The following RBFOX1 variants were observed in gnomAD, a reference collection of about 807,000 sequenced individuals.
RBFOX1 encodes the protein RNA binding fox-1 homolog 1.
In RBFOX1, 8 loss-of-function variants were observed where a neutral mutation model predicts 57.7. The ratio of observed to expected loss-of-function variants is 0.14; its 90% CI spans 0.08 to 0.25. The LOEUF (loss-of-function observed/expected upper bound fraction) is 0.25, where lower values mean the gene tolerates loss of function less well. Ranked by LOEUF, RBFOX1 falls within the 10% of genes least tolerant of loss-of-function variation. The pLI is 1.00. For synonymous variants in RBFOX1, 326 were observed against 222.4 expected (o/e 1.47, Z -4.15); for missense variants, 611 against 548.5 (o/e 1.11, Z -1.14).
chr16:6,603,900 G>A (rs887077589), intron 2 of RBFOX1, among the ~76,000 whole-genome samples: 4 of 152,110 alleles, frequency 2.6e-5, no homozygotes, highest in Non-Finnish European at 2.9e-5. Context: ...CACACTTTGT[G>A]ATGTGTCTCA....
At position 6,042,723 on chromosome 16, in the gene RBFOX1, G is replaced by A. The variant is rs564708974; in HGVS notation, c.-127+22731G>A. Among the ~76,000 whole-genome samples the A allele has an allele frequency of 4.2e-4, 64 of 152,232 alleles. 1 individual carries two copies. The South Asian group carries it at 0.011, about 25-fold the overall frequency. ...ACTGGGTTATAGTTTGGTTTTGTAC[G>A]TTTTAGGGAGACAGAAGTTATAGGC... is the stretch of plus-strand genomic sequence containing the variant. On this transcript the variant is annotated intron_variant, in intron 1 of 15. Coordinates refer to ENST00000550418, the MANE Select transcript of RBFOX1 (RefSeq NM_018723.4).
intron 3 of RBFOX1, among the ~76,000 whole-genome samples, chr16:6,769,091 C>G (rs1043024834): frequency 6.6e-6 from 1 of 152,124 alleles, no homozygotes; most frequent in African/African-American, 2.4e-5. Context: ...CAAATCTCAT[C>G]TTGAATTCCC....
chr16:6,390,206 T>G (rs1215724551), intron 2 of RBFOX1, among the ~76,000 whole-genome samples: 1 of 152,228 alleles, frequency 6.6e-6, no homozygotes, highest in African/African-American at 2.4e-5. Context: ...GCACATGCAA[T>G]GGATGTATTT....
intron 1 of RBFOX1, among the ~76,000 whole-genome samples, chr16:6,268,057 G>A (rs1424232393): frequency 6.6e-6 from 1 of 152,076 alleles, no homozygotes; most frequent in Non-Finnish European, 1.5e-5. Context: ...CTTCACTCTT[G>A]GGCTGAATGT....
At chr16:6,486,801 T>C (rs2095493220) in intron 2 of RBFOX1, among the ~76,000 whole-genome samples, 1 of 152,088 alleles carries the variant, frequency 6.6e-6, no homozygotes, top group Non-Finnish European at 1.5e-5. Context: ...CAGGGTTGTG[T>C]GTTTGTGTGT....
chr16:6,476,209 C>G (rs1049879048), intron 2 of RBFOX1, among the ~76,000 whole-genome samples: 1 of 152,090 alleles, frequency 6.6e-6, no homozygotes, highest in Non-Finnish European at 1.5e-5. Flanking sequence ...TAATAAGCAC[C>G]TATAATCTCA....
intron 2 of RBFOX1, among the ~76,000 whole-genome samples, chr16:6,605,534 C>T (rs1377912149): frequency 3.3e-5 from 5 of 152,170 alleles, no homozygotes; most frequent in South Asian, 2.1e-4. Flanking sequence ...CAAATACAAG[C>T]GTCCAGTGCA....
At position 7,056,810 on chromosome 16, in the gene RBFOX1, T is replaced by C. The variant is rs180799723; in HGVS notation, c.27+4712T>C. Among the ~76,000 whole-genome samples the C allele has an allele frequency of 2.0e-5, 3 of 152,310 alleles. 1 individual carries two copies. Among genetic ancestry groups the C allele is most frequent in the African/African-American group, 7.2e-5 (3 of 41,562 alleles). On this transcript the variant is annotated intron_variant, in intron 4 of 15. Coordinates refer to ENST00000550418, the MANE Select transcript of RBFOX1 (RefSeq NM_018723.4). The stretch of plus-strand genomic sequence containing the variant: ...AATGCATGACTGCCAGATTCTGTTC[T>C]GTGGATTCAAATACTGATCTGCAAT...
At chr16:6,855,260 G>A (rs561300537) in intron 3 of RBFOX1, among the ~76,000 whole-genome samples, 1 of 152,032 alleles carries the variant, frequency 6.6e-6, no homozygotes, top group African/African-American at 2.4e-5. Context: ...GGGAGGGAGA[G>A]GGGGAAGGAG....
chr16:6,819,907 C>G (rs574615068), intron 3 of RBFOX1, among the ~76,000 whole-genome samples: 1 of 152,190 alleles, frequency 6.6e-6, no homozygotes, highest in Admixed American at 6.5e-5. Flanking sequence ...CAGAGCTCTG[C>G]ACATCAGGGA....
intron 3 of RBFOX1, among the ~76,000 whole-genome samples, chr16:5,748,589 C>T (rs543434776): frequency 6.6e-6 from 1 of 152,092 alleles, no homozygotes. Flanking sequence ...GGATAGTTAG[C>T]TCTTCTTGTT....
At position 6,741,505 on chromosome 16, in the gene RBFOX1, A is replaced by C. The variant is rs2072101535; in HGVS notation, c.-16+86855A>C. On this transcript the variant is annotated intron_variant, in intron 3 of 15. Transcript: ENST00000550418. ...ATGGCGAAACCCTGTCTGTATTAAA[A>C]GTACAAATTTTAGCCAGGCTAACTT... Among the ~76,000 whole-genome samples, 3 of 151,962 alleles carry C rather than the reference A, an allele frequency of 2.0e-5. 1 individual carries two copies. The highest frequency in any genetic ancestry group is 2.9e-5 in the Non-Finnish European group (2 of 67,990).
At chr16:6,061,197 G>C (rs147374307) in intron 1 of RBFOX1, among the ~76,000 whole-genome samples, 313 of 152,252 alleles carry the variant, frequency 2.1e-3, no homozygotes, top group Non-Finnish European at 2.8e-3. Context: ...TGGATTCTAT[G>C]AGAAGGACAG....
chr16:6,642,880 C>T (rs74377805), intron 2 of RBFOX1, among the ~76,000 whole-genome samples: 6 of 152,128 alleles, frequency 3.9e-5, no homozygotes, highest in African/African-American at 7.2e-5. Flanking sequence ...CTAAGGTAAA[C>T]TTTACTCCCT....
intron 5 of RBFOX1, among the ~76,000 whole-genome samples, chr16:7,522,038 G>T (rs189410417): frequency 8.5e-5 from 13 of 152,322 alleles, no homozygotes; most frequent in Admixed American, 7.2e-4. Flanking sequence ...GGCTTGTGTG[G>T]TGTTATCTTC....
At chr16:7,377,088 C>A (rs182104056) in intron 4 of RBFOX1, among the ~76,000 whole-genome samples, 66 of 152,290 alleles carry the variant, frequency 4.3e-4, no homozygotes, top group African/African-American at 1.5e-3. Context: ...GTTTCCACTT[C>A]TTTTTCATGA....
intron 3 of RBFOX1, among the ~76,000 whole-genome samples, chr16:6,911,360 G>A (rs1437533861): frequency 6.6e-6 from 1 of 152,092 alleles, no homozygotes; most frequent in Non-Finnish European, 1.5e-5. Context: ...CAAGGTGTCA[G>A]GAGGGTTGGT....
intron 5 of RBFOX1, among the ~76,000 whole-genome samples, chr16:7,551,503 G>A (rs1158486124): frequency 6.6e-6 from 1 of 152,200 alleles, no homozygotes; most frequent in Non-Finnish European, 1.5e-5. Flanking sequence ...GATCCAGTCA[G>A]CCAATAGCTC....
intron 4 of RBFOX1, among the ~76,000 whole-genome samples, chr16:7,324,592 T>C (rs1459438169): frequency 2.0e-5 from 3 of 152,332 alleles, no homozygotes; most frequent in East Asian, 1.9e-4. Context: ...AGGGTTGATA[T>C]TCTTAGATTT....
Sources: allele counts gnomAD v4.1 joint callset (sites outside exome capture counted in the v4.1 genomes callset), GRCh38; gene constraint gnomAD v4.1.1; transcripts MANE v1.5; gene names NCBI Gene and HGNC (gene_info 2026-07-23, HGNC 2026-07-21).